The following PLB1 variants were observed in gnomAD, a reference collection of about 807,000 sequenced individuals.
The protein encoded by PLB1 is phospholipase B1.
In PLB1, 242 loss-of-function variants were observed where a neutral mutation model predicts 227.4. The observed-to-expected ratio is 1.06, with a 90% CI of 0.96 to 1.18. PLB1 has a LOEUF of 1.18. Among genes scored for constraint, PLB1 ranks in the 50% most tolerant of loss-of-function variants. The pLI is 0.00. For missense variants in PLB1, 1,858 were observed against 1,816.3 expected, an observed-to-expected ratio of 1.02 and a Z score of -0.42; for synonymous variants, 757 against 682.2, an observed-to-expected ratio of 1.11 and a Z score of -1.71.
chr2:28,528,262 A>G (rs1312981202), intron 6 of PLB1, among the ~76,000 whole-genome samples: 1 of 152,114 alleles, frequency 6.6e-6, no homozygotes, highest in Non-Finnish European at 1.5e-5. Flanking sequence ...GGAAGCCCCG[A>G]GGCACTTCTG....
intron 57 of PLB1, among the ~76,000 whole-genome samples, chr2:28,642,238 T>C (rs1013771124): frequency 4.6e-5 from 7 of 152,066 alleles, no homozygotes; most frequent in Non-Finnish European, 1.0e-4. Flanking sequence ...CATCTCAACT[T>C]CCTCCTGGGC....
chr2:28,516,747 A>G, intron 1 of PLB1, 61 bp from the exon 2 acceptor site: 1 of 1,285,640 alleles, frequency 7.8e-7, no homozygotes, highest in Non-Finnish European at 1.1e-6. Flanking sequence ...CATGAAAGCT[A>G]CAAATTTGGG....
At chr2:28,617,938 T>C in intron 45 of PLB1, 151 bp downstream of exon 45, 1 of 773,742 alleles carries the variant, frequency 1.3e-6, no homozygotes. Context: ...CCGCCACAGC[T>C]GGGCTTCCAT....
In PLB1 at chr2:28,598,746, C is replaced by T. The variant is rs35746006; in HGVS notation, c.2460C>T (p.Pro820=). The T allele has an allele frequency of 0.096, 154,181 of 1,613,312 alleles. 8,619 individuals carry two copies. The highest frequency in any genetic ancestry group is 0.11 in the Non-Finnish European group (132,502 of 1,179,208). ...DTNAFLNQAV[P]GAKAEDLMSQ... is the part of the protein sequence containing the mutation. ...ATGCATTCCTCAATCAAGCTGTTCC[C>T]GGAGCAAAGGCTGAGTATGGCATTT... Residue 820 remains proline (P), a synonymous_variant, in exon 35 of 58, where the codon CCC becomes CCT. Transcript: ENST00000327757.
chr2:28,527,025 C>T (rs1670347762), intron 6 of PLB1, among the ~76,000 whole-genome samples: 1 of 152,206 alleles, frequency 6.6e-6, no homozygotes, highest in Non-Finnish European at 1.5e-5. Flanking sequence ...CCATTACCAA[C>T]TCCGTGGCTA....
intron 43 of PLB1, among the ~76,000 whole-genome samples, chr2:28,611,772 C>T (rs1685491467): frequency 6.6e-6 from 1 of 152,148 alleles, no homozygotes; most frequent in Admixed American, 6.6e-5. Context: ...CCACCATAAG[C>T]CCTCTCCTGT....
intron 56 of PLB1, chr2:28,633,270 T>C (rs1312666784): frequency 1.9e-6 from 1 of 515,886 alleles, no homozygotes; most frequent in African/African-American, 1.9e-5. Flanking sequence ...TTATTCTTTG[T>C]TCCTTCAGCA....
intron 49 of PLB1, among the ~76,000 whole-genome samples, chr2:28,621,336 A>C (rs1306150376): frequency 2.6e-5 from 4 of 152,030 alleles, no homozygotes; most frequent in South Asian, 2.1e-4. Flanking sequence ...CTCCAGCTCC[A>C]CCTCCTGCCC....
intron 36 of PLB1, 47 bp downstream of exon 36, chr2:28,600,907 C>T (rs1166594027): frequency 2.0e-6 from 3 of 1,528,636 alleles, no homozygotes; most frequent in Non-Finnish European, 2.7e-6. Flanking sequence ...TTCTAACCCA[C>T]TAAAGTTGTC....
chr2:28,515,735 G>A (rs1255416340), intron 1 of PLB1, among the ~76,000 whole-genome samples: 1 of 152,166 alleles, frequency 6.6e-6, no homozygotes, highest in Non-Finnish European at 1.5e-5. Context: ...GTTGTTTGGG[G>A]GTTCTTGTAT....
intron 1 of PLB1, among the ~76,000 whole-genome samples, chr2:28,506,500 G>A (rs1178683633): frequency 6.6e-6 from 1 of 152,198 alleles, no homozygotes; most frequent in Non-Finnish European, 1.5e-5. Context: ...TTAAACCCCG[G>A]TGCAAGGAGA....
intron 6 of PLB1, among the ~76,000 whole-genome samples, chr2:28,528,695 C>T (rs1670602163): frequency 6.6e-6 from 1 of 152,156 alleles, no homozygotes; most frequent in Non-Finnish European, 1.5e-5. Context: ...ATCATATTGC[C>T]CTGTGTTTGT....
At chr2:28,523,786 A>C (rs1402853451) in intron 4 of PLB1, among the ~76,000 whole-genome samples, 1 of 152,240 alleles carries the variant, frequency 6.6e-6, no homozygotes, top group Non-Finnish European at 1.5e-5. Context: ...ATCAGCTGCC[A>C]ACACTGAAAT....
rs111587322 is a variant in PLB1 at position 28,545,918 on chromosome 2, C to T, written c.936+2650C>T. Among the ~76,000 whole-genome samples the T allele has an allele frequency of 4.4e-3, 673 of 152,274 alleles. 3 individuals are homozygous for T. Among genetic ancestry groups the T allele is most frequent in the African/African-American group, 0.015 (635 of 41,546 alleles). ...CCATTACTCTGTCCTCAGACACCCC[C>T]GGACACAGCTGTAGGGAAGGAGGAT... is the stretch of plus-strand genomic sequence containing the variant. On this transcript the variant is annotated intron_variant, in intron 14 of 57. Coordinates refer to ENST00000327757, the MANE Select transcript of PLB1 (RefSeq NM_153021.5).
At chr2:28,566,314 A>G (rs1381106939) in intron 19 of PLB1, 1 of 155,872 alleles carries the variant, frequency 6.4e-6, no homozygotes, top group Non-Finnish European at 1.4e-5. Flanking sequence ...CATGCCTAGA[A>G]ACCCTTCTAA....
At chr2:28,638,827 G>GAAAA (rs35972276) in intron 56 of PLB1, among the ~76,000 whole-genome samples, 7 of 63,598 alleles carry the variant, frequency 1.1e-4, no homozygotes, top group African/African-American at 1.9e-4. Flanking sequence ...GCTGGAGATT[G>GAAAA]AAAAAAAAAA....
intron 43 of PLB1, 68 bp downstream of exon 43, chr2:28,606,635 G>A (rs1337165797): frequency 1.2e-5 from 17 of 1,415,930 alleles, no homozygotes; most frequent in Middle Eastern, 2.0e-4. Context: ...TACCCACTTC[G>A]TCCTCCACCA....
rs1435891048 is a variant in PLB1, at chr2:28,620,339, A to T, written c.3383+7A>T. ...GGAGGGGACTCTCTTGGAGGTGAGGATGTTCTTGATGCATGCTCTATTGAT... is the reference window on the plus strand; with the variant it reads ...GGAGGGGACTCTCTTGGAGGTGAGGTTGTTCTTGATGCATGCTCTATTGAT... On this transcript the variant is annotated splice_region_variant and intron_variant, in intron 47 of 57. Transcript: ENST00000327757. 1.9e-6 allele frequency: 3 copies of T among 1,591,044 alleles called. No homozygotes were observed. The highest frequency in any genetic ancestry group is 2.6e-6 in the Non-Finnish European group (3 of 1,165,934).
In PLB1 at chr2:28,565,325, T is replaced by TTGA; in HGVS notation, c.1253_1255dup (p.Leu418_Thr419insMet). The TTGA allele has an allele frequency of 1.2e-6, 2 of 1,611,624 alleles. No homozygotes were observed. The highest frequency in any genetic ancestry group is 1.7e-6 in the Non-Finnish European group (2 of 1,179,134). The stretch of plus-strand genomic sequence containing the variant: ...CACACCTGGGAACGTCTTGGACGTC[T>TTGA]TGACTCAGTACCGAGGCCTGTCCTG... On this transcript the variant is annotated inframe_insertion, in exon 19 of 58. Transcript: ENST00000327757.
Sources: gnomAD v4.1 joint callset for allele counts (sites outside exome capture counted in the v4.1 genomes callset) on GRCh38, gnomAD v4.1.1 for gene constraint, MANE v1.5 for transcripts, NCBI Gene and HGNC (gene_info 2026-07-23, HGNC 2026-07-21) for gene names.